DLG2: variants seen among roughly 807,000 people sequenced by gnomAD.
DLG2 encodes discs large MAGUK scaffold protein 2, also known as disks large homolog 2.
Under a neutral mutation model 132.5 loss-of-function variants are expected in DLG2, and 45 were observed. That is an observed-to-expected ratio of 0.34 (90% CI 0.27 to 0.44). The LOEUF (loss-of-function observed/expected upper bound fraction) is 0.44. DLG2 is among the 20% of genes least tolerant of loss of function. The probability of loss-of-function intolerance (pLI) is 1.00; values close to 1 mark genes in which losing one functional copy is unlikely to be tolerated. For synonymous variants in DLG2, 424 were observed against 419.6 expected, an observed-to-expected ratio of 1.01 and a Z score of -0.13; for missense variants, 1,045 against 1,196.9, an observed-to-expected ratio of 0.87 and a Z score of 1.87.
chr11:85,405,608 C>T (rs752943390), intron 3 of DLG2, among the ~76,000 whole-genome samples: 1 of 151,970 alleles, frequency 6.6e-6, no homozygotes, highest in Non-Finnish European at 1.5e-5. Context: ...ATCTCCACAA[C>T]AACTCAGTGA....
chr11:84,862,589 G>A (rs1180373123), intron 6 of DLG2, among the ~76,000 whole-genome samples: 1 of 152,088 alleles, frequency 6.6e-6, no homozygotes, highest in Non-Finnish European at 1.5e-5. Flanking sequence ...ATCAATGATA[G>A]ACTGGATAAA....
intron 4 of DLG2, among the ~76,000 whole-genome samples, chr11:85,206,045 T>C (rs1022211669): frequency 3.3e-5 from 5 of 152,128 alleles, no homozygotes; most frequent in Admixed American, 3.3e-4. Flanking sequence ...GATTTGATCA[T>C]GGGGGGCAGA....
At position 85,131,696 on chromosome 11, in the gene DLG2, G is replaced by A. The variant is rs1282429096; in HGVS notation, c.283-19961C>T. Among the ~76,000 whole-genome samples, 6 of 152,088 alleles carry A rather than the reference G, an allele frequency of 3.9e-5. No homozygotes were observed. The East Asian group carries it at 1.2e-3, about 29-fold the overall frequency. ...CATGTGATATTAGGCCATATGGGAA[G>A]ATATCCATTATGATTTTCTGGGGCT... On this transcript the variant is annotated intron_variant, in intron 5 of 27. Coordinates refer to ENST00000376104, the MANE Select transcript of DLG2 (RefSeq NM_001142699.3).
Position 83,996,814 on chromosome 11 carries a change from T to C in DLG2, c.920-16172A>G, listed in dbSNP as rs1580406. ...ACAATAGAAAGTAAAGGATGGTTAC[T>C]AGAGGCTGAGAAGGGTAGCAGGGAG... is the stretch of plus-strand genomic sequence containing the variant. On this transcript the variant is annotated intron_variant, in intron 11 of 27. Coordinates refer to ENST00000376104, the MANE Select transcript of DLG2 (RefSeq NM_001142699.3). Among the ~76,000 whole-genome samples, 665 of 152,236 alleles carry C rather than the reference T, an allele frequency of 4.4e-3. 1 individual carries two copies. The highest frequency in any genetic ancestry group is 0.015 in the African/African-American group (642 of 41,542).
chr11:85,534,754 C>T (rs1202866839), intron 3 of DLG2, among the ~76,000 whole-genome samples: 1 of 152,150 alleles, frequency 6.6e-6, no homozygotes, highest in Non-Finnish European at 1.5e-5. Context: ...GAGCATCTAG[C>T]TTGGCTCCAT....
intron 6 of DLG2, 38 bp downstream of exon 6, chr11:85,111,623 A>G (rs1174525324): frequency 6.8e-7 from 1 of 1,481,002 alleles, no homozygotes. Context: ...AAAAACATTT[A>G]TCCTTCAATC....
intron 6 of DLG2, among the ~76,000 whole-genome samples, chr11:85,069,748 T>C (rs1225633667): frequency 6.6e-6 from 1 of 152,144 alleles, no homozygotes; most frequent in Non-Finnish European, 1.5e-5. Flanking sequence ...AGTGTGGCGA[T>C]TCCTCAGGGA....
At chr11:83,686,958 G>C (rs2079900850) in intron 18 of DLG2, among the ~76,000 whole-genome samples, 1 of 152,150 alleles carries the variant, frequency 6.6e-6, no homozygotes, top group African/African-American at 2.4e-5. Flanking sequence ...GGAATACGGT[G>C]GGCCACTACT....
chr11:84,036,037 T>A (rs1378547928), intron 11 of DLG2, among the ~76,000 whole-genome samples: 1 of 152,154 alleles, frequency 6.6e-6, no homozygotes, highest in Non-Finnish European at 1.5e-5. Context: ...ATTAGATCTT[T>A]ATCACATCAA....
At chr11:84,338,813 C>CAAT (rs745864187) in intron 7 of DLG2, among the ~76,000 whole-genome samples, 49 of 151,722 alleles carry the variant, frequency 3.2e-4, no homozygotes, top group South Asian at 1.5e-3. Context: ...CTCAAAATAA[C>CAAT]AATAATAATA....
At chr11:84,126,975 G>A (rs1011047077) in intron 9 of DLG2, among the ~76,000 whole-genome samples, 3 of 152,168 alleles carry the variant, frequency 2.0e-5, no homozygotes, top group African/African-American at 7.2e-5. Flanking sequence ...TACTCTGTGG[G>A]AGCAGCAAGT....
At chr11:85,056,365 A>C (rs2063459981) in intron 6 of DLG2, among the ~76,000 whole-genome samples, 1 of 152,108 alleles carries the variant, frequency 6.6e-6, no homozygotes. Flanking sequence ...AAATTCAATA[A>C]GTGAAATTCA....
intron 7 of DLG2, among the ~76,000 whole-genome samples, chr11:84,373,249 C>CAAAAAAA (rs1397733901): frequency 0.33 from 13,705 of 41,574 alleles, 2,664 homozygotes; most frequent in Non-Finnish European, 0.39. Flanking sequence ...AAGAAACAGT[C>CAAAAAAA]AAAAAAAAAA....
At chr11:85,507,817 C>T (rs964153061) in intron 3 of DLG2, among the ~76,000 whole-genome samples, 2 of 152,098 alleles carry the variant, frequency 1.3e-5, no homozygotes, top group Non-Finnish European at 2.9e-5. Flanking sequence ...AACTTGGTTC[C>T]GTTCTCCCAT....
intron 6 of DLG2, among the ~76,000 whole-genome samples, chr11:85,100,172 G>T (rs1021021141): frequency 6.6e-6 from 1 of 152,102 alleles, no homozygotes; most frequent in Non-Finnish European, 1.5e-5. Flanking sequence ...TGAGGTAAGT[G>T]GAAGTAAGTC....
chr11:84,510,440 C>T lies in DLG2; in HGVS notation c.519+24130G>A, dbSNP rs527754048. On this transcript the variant is annotated intron_variant, in intron 7 of 27. Coordinates refer to ENST00000376104, the MANE Select transcript of DLG2 (RefSeq NM_001142699.3). ...CCAGAAATTCCTAAGGGTTTGGCTC[C>T]AAATTACACTAAATAGATATAAGAA... Among the ~76,000 whole-genome samples, 23 of 152,076 alleles carry T rather than the reference C, an allele frequency of 1.5e-4. No individual in the cohort carries two copies. In the South Asian group the frequency reaches 4.8e-3, roughly 32 times the overall value.
chr11:85,461,988 A>C (rs951847064), intron 3 of DLG2, among the ~76,000 whole-genome samples: 1 of 152,256 alleles, frequency 6.6e-6, no homozygotes, highest in African/African-American at 2.4e-5. Flanking sequence ...AAAGTGGGCA[A>C]AGGATATTAA....
At chr11:84,883,580 CCTCA>C (rs759117644) in intron 6 of DLG2, among the ~76,000 whole-genome samples, 10 of 152,082 alleles carry the variant, frequency 6.6e-5, no homozygotes, top group Non-Finnish European at 1.0e-4. Context: ...CTCCACTTCT[CCTCA>C]CTAATTACTG....
At chr11:83,830,131 A>G (rs2054061365) in intron 17 of DLG2, among the ~76,000 whole-genome samples, 1 of 152,228 alleles carries the variant, frequency 6.6e-6, no homozygotes, top group Non-Finnish European at 1.5e-5. Flanking sequence ...CAACTGAAAA[A>G]AGCAGATAAT....
Sources: allele counts gnomAD v4.1 joint callset (sites outside exome capture counted in the v4.1 genomes callset), GRCh38; gene constraint gnomAD v4.1.1; transcripts MANE v1.5; gene names NCBI Gene and HGNC (gene_info 2026-07-23, HGNC 2026-07-21).